Variants in CYP2C19 observed in about 807,000 individuals in gnomAD.
The protein encoded by CYP2C19 is cytochrome P450 2C19.
CYP2C19 carries 59 observed loss-of-function variants against 40.9 expected under a neutral mutation model. The observed-to-expected ratio is 1.44, with a 90% CI of 1.17 to 1.79. The LOEUF is 1.79. Ranked by LOEUF, CYP2C19 falls within the 40% of genes most tolerant of loss-of-function variation. The pLI, the probability that CYP2C19 is intolerant of heterozygous loss-of-function variation, is 0.00. For missense variants in CYP2C19, 754 were observed against 596.9 expected, an observed-to-expected ratio of 1.26 and a Z score of -2.74; for synonymous variants, 253 against 208.7, an observed-to-expected ratio of 1.21 and a Z score of -1.83.
chr10:94,806,131 T>C (rs935492296), intron 5 of CYP2C19, among the ~76,000 whole-genome samples: 7 of 151,392 alleles, frequency 4.6e-5, no homozygotes, highest in African/African-American at 7.3e-5. Context: ...GGGTACCTCA[T>C]AGAAGTGGAA....
chr10:94,797,546 A>G (rs915361719), intron 5 of CYP2C19, among the ~76,000 whole-genome samples: 2 of 152,182 alleles, frequency 1.3e-5, no homozygotes, highest in Non-Finnish European at 1.5e-5. Flanking sequence ...CTTGGTTGGT[A>G]TAATTTCAGA....
intron 6 of CYP2C19, 135 bp downstream of exon 6, chr10:94,820,772 A>G (rs1589367200): frequency 8.9e-7 from 1 of 1,118,462 alleles, no homozygotes; most frequent in Admixed American, 2.1e-5. Flanking sequence ...ATCTGTCCCA[A>G]TTTAATGGTG....
chr10:94,794,709 C>CT (rs1356002884), intron 5 of CYP2C19, among the ~76,000 whole-genome samples: 1 of 151,922 alleles, frequency 6.6e-6, no homozygotes, highest in African/African-American at 2.4e-5. Context: ...CTGTTTGTCT[C>CT]TTTTTTGTGT....
intron 1 of CYP2C19, 99 bp downstream of exon 1, chr10:94,762,972 T>C (rs1848193810): frequency 1.0e-5 from 13 of 1,291,142 alleles, no homozygotes; most frequent in Non-Finnish European, 1.3e-5. Flanking sequence ...CAAGAGATCA[T>C]TGTAAAGTAA....
At chr10:94,810,752 G>T (rs184377978) in intron 5 of CYP2C19, among the ~76,000 whole-genome samples, 7,201 of 151,770 alleles carry the variant, frequency 0.047, 230 homozygotes, top group South Asian at 0.11. Flanking sequence ...TCATTTTTTT[G>T]TTCTCTCTAT....
intron 1 of CYP2C19, among the ~76,000 whole-genome samples, chr10:94,772,794 A>G (rs1463849573): frequency 6.6e-6 from 1 of 151,992 alleles, no homozygotes; most frequent in Non-Finnish European, 1.5e-5. Flanking sequence ...TTTTGTTTTG[A>G]GACGGAGTCT....
intron 1 of CYP2C19, chr10:94,774,321 A>G (rs1473440358): frequency 6.6e-6 from 1 of 152,154 alleles, no homozygotes; most frequent in African/African-American, 2.4e-5. Flanking sequence ...GGAATAAGTA[A>G]TGAGTGATTT....
intron 8 of CYP2C19, among the ~76,000 whole-genome samples, chr10:94,851,129 T>G (rs189714791): frequency 1.3e-5 from 2 of 152,264 alleles, no homozygotes; most frequent in Non-Finnish European, 2.9e-5. Flanking sequence ...AAGAGGTTAT[T>G]TGACTCACAG....
At chr10:94,836,351 G>A (rs1849402970) in intron 6 of CYP2C19, among the ~76,000 whole-genome samples, 1 of 152,222 alleles carries the variant, frequency 6.6e-6, no homozygotes, top group African/African-American at 2.4e-5. Flanking sequence ...CGGGTTGCAA[G>A]CTCATCCCTT....
At chr10:94,774,506 C>T (rs6583954) in intron 1 of CYP2C19, 27,258 of 157,798 alleles carry the variant, frequency 0.17, 2,655 homozygotes, top group South Asian at 0.32. Context: ...GCCCAGCAAT[C>T]GGGACCTCTA....
intron 8 of CYP2C19, among the ~76,000 whole-genome samples, chr10:94,851,454 ATAAATAAATAAATAAAT>A (rs1199093683): frequency 1.5e-5 from 1 of 67,326 alleles, no homozygotes; most frequent in Non-Finnish European, 4.0e-5. Flanking sequence ...AAATAAATAA[ATAAATAAATAAATAAAT>A]AAATAAATAA....
chr10:94,837,109 C>T (rs1333299137), intron 6 of CYP2C19, among the ~76,000 whole-genome samples: 1 of 152,142 alleles, frequency 6.6e-6, no homozygotes, highest in Non-Finnish European at 1.5e-5. Context: ...TTTGGGAAAG[C>T]AGAGTATAAG....
intron 5 of CYP2C19, among the ~76,000 whole-genome samples, chr10:94,803,752 G>A (rs900161189): frequency 2.6e-5 from 4 of 152,188 alleles, no homozygotes; most frequent in Non-Finnish European, 4.4e-5. Flanking sequence ...TAATCCAGGT[G>A]AGTGGATGCT....
At chr10:94,852,001 C>A (rs1189584746) in intron 8 of CYP2C19, among the ~76,000 whole-genome samples, 2 of 152,156 alleles carry the variant, frequency 1.3e-5, no homozygotes, top group Non-Finnish European at 2.9e-5. Context: ...GACCTATGTC[C>A]TGACTGTGGT....
intron 6 of CYP2C19, among the ~76,000 whole-genome samples, chr10:94,822,988 C>T (rs1304762661): frequency 6.6e-6 from 1 of 151,468 alleles, no homozygotes; most frequent in Non-Finnish European, 1.5e-5. Context: ...CTGTTTGAGC[C>T]CTTTAAGCTA....
At chr10:94,809,875 G>T (rs1017194013) in intron 5 of CYP2C19, among the ~76,000 whole-genome samples, 3 of 151,770 alleles carry the variant, frequency 2.0e-5, no homozygotes. Flanking sequence ...GTTTGTGTGT[G>T]TTTGTTTATT....
chr10:94,845,262 T>G (rs1264126042), intron 7 of CYP2C19, among the ~76,000 whole-genome samples: 5 of 152,240 alleles, frequency 3.3e-5, no homozygotes, highest in Admixed American at 1.3e-4. Flanking sequence ...CCTTGACATC[T>G]GCTATTGTAG....
rs746795451 is a variant in CYP2C19, at chr10:94,780,482, T to C, written c.482-17T>C. 1 of 1,612,174 alleles carries C rather than the reference T, an allele frequency of 6.2e-7. No individual in the cohort carries two copies. Among genetic ancestry groups the C allele is most frequent in the East Asian group, 2.2e-5 (1 of 44,864 alleles). ...CTAATGTTTACTCATATTTTAAAAT[T>C]GTTTCCAATCATTTAGCTTCACCCT... On this transcript the variant is annotated splice_polypyrimidine_tract_variant and intron_variant, in intron 3 of 8. Transcript: ENST00000371321.
chr10:94,843,474 G>C (rs572668862), intron 7 of CYP2C19, among the ~76,000 whole-genome samples: 2 of 152,182 alleles, frequency 1.3e-5, no homozygotes, highest in South Asian at 4.1e-4. Flanking sequence ...TTGTGATTTT[G>C]TTGTCATGGC....
Sources: allele counts gnomAD v4.1 joint callset (sites outside exome capture counted in the v4.1 genomes callset), GRCh38; gene constraint gnomAD v4.1.1; transcripts MANE v1.5; gene names NCBI Gene and HGNC (gene_info 2026-07-23, HGNC 2026-07-21).